FHIT: variants seen among roughly 807,000 people sequenced by gnomAD.
FHIT encodes the protein bis(5'-adenosyl)-triphosphatase.
Under a neutral mutation model 17.9 loss-of-function variants are expected in FHIT, and 19 were observed. The observed-to-expected ratio is 1.06, with a 90% CI of 0.74 to 1.56. The LOEUF (loss-of-function observed/expected upper bound fraction) is 1.56, where lower values mean the gene tolerates loss of function less well. FHIT is among the 40% of genes most tolerant of loss of function. FHIT has a pLI of 0.00. For synonymous variants in FHIT, 81 were observed against 69.7 expected, an observed-to-expected ratio of 1.16 and a Z score of -0.81; for missense variants, 248 against 189.2, an observed-to-expected ratio of 1.31 and a Z score of -1.82.
At chr3:61,231,984 G>C (rs2040115113) in intron 1 of FHIT, among the ~76,000 whole-genome samples, 1 of 152,128 alleles carries the variant, frequency 6.6e-6, no homozygotes, top group Non-Finnish European at 1.5e-5. Context: ...CTTAAAGGTA[G>C]GCTCTGCCCT....
intron 5 of FHIT, among the ~76,000 whole-genome samples, chr3:60,328,508 G>C (rs759560519): frequency 3.3e-5 from 5 of 152,124 alleles, no homozygotes; most frequent in Non-Finnish European, 5.9e-5. Context: ...GATCTTGTGA[G>C]ACTTACTAAC....
chr3:61,038,802 C>A lies in FHIT; in HGVS notation c.-111+3245G>T, dbSNP rs189213072. On this transcript the variant is annotated intron_variant, in intron 3 of 9. Transcript: ENST00000492590. ...ATGATTATTGAATCTAGGTATACAA[C>A]CTGCTTGATAATTTGCAGGACCCAG... Among the ~76,000 whole-genome samples the A allele has an allele frequency of 7.1e-3, 1,074 of 152,208 alleles. 9 individuals are homozygous for A. The highest frequency in any genetic ancestry group is 0.038 in the South Asian group (184 of 4,822).
At chr3:60,464,942 C>T (rs1165773218) in intron 5 of FHIT, among the ~76,000 whole-genome samples, 1 of 152,122 alleles carries the variant, frequency 6.6e-6, no homozygotes, top group Non-Finnish European at 1.5e-5. Flanking sequence ...AACTGTCCTC[C>T]ACAGTGGTTG....
intron 8 of FHIT, among the ~76,000 whole-genome samples, chr3:59,756,843 C>A (rs889479416): frequency 2.0e-5 from 3 of 152,150 alleles, no homozygotes; most frequent in African/African-American, 7.2e-5. Flanking sequence ...AATCAACCTG[C>A]ACTATTTTAA....
At position 60,138,361 on chromosome 3, in the gene FHIT, TAAC is replaced by T. The variant is rs1699902191; in HGVS notation, c.104-124212_104-124210del. ...AGAAATGATGGGCTAGGAATCCAGG[TAAC>T]AACAACAACAAAAGTAAATACACAT... On this transcript the variant is annotated intron_variant, in intron 5 of 9. Transcript: ENST00000492590. Among the ~76,000 whole-genome samples, 4 of 152,264 alleles carry T rather than the reference TAAC, an allele frequency of 2.6e-5. No homozygotes were observed. The South Asian group carries it at 6.2e-4, about 24-fold the overall frequency.
intron 8 of FHIT, among the ~76,000 whole-genome samples, chr3:59,875,944 A>G (rs1268750702): frequency 7.6e-6 from 1 of 131,786 alleles, no homozygotes; most frequent in African/African-American, 3.0e-5. Flanking sequence ...TTGATAAAAA[A>G]AGAAAAAAAA....
chr3:60,313,671 G>T (rs959469942), intron 5 of FHIT, among the ~76,000 whole-genome samples: 5 of 152,068 alleles, frequency 3.3e-5, no homozygotes, highest in African/African-American at 1.2e-4. Flanking sequence ...TGAAAATATG[G>T]TGATATGAAA....
intron 8 of FHIT, among the ~76,000 whole-genome samples, chr3:59,862,145 T>C (rs1702434496): frequency 6.6e-6 from 1 of 151,378 alleles, no homozygotes; most frequent in African/African-American, 2.4e-5. Flanking sequence ...GAAAAAGAGG[T>C]TTAATGGACT....
At chr3:60,202,314 A>C (rs1236099012) in intron 5 of FHIT, among the ~76,000 whole-genome samples, 3 of 152,224 alleles carry the variant, frequency 2.0e-5, no homozygotes, top group Non-Finnish European at 1.5e-5. Context: ...GGATGCTATT[A>C]ACATGGAAGT....
intron 5 of FHIT, among the ~76,000 whole-genome samples, chr3:60,384,358 G>T (rs1270786795): frequency 2.0e-5 from 3 of 151,836 alleles, no homozygotes; most frequent in Non-Finnish European, 2.9e-5. Flanking sequence ...TCACAACAGA[G>T]ATGATGATAT....
chr3:60,381,914 T>C (rs1317269353), intron 5 of FHIT, among the ~76,000 whole-genome samples: 1 of 152,190 alleles, frequency 6.6e-6, no homozygotes, highest in East Asian at 1.9e-4. Context: ...AAAGGCCTAG[T>C]GCTGTGCTGT....
chr3:60,035,757 A>G (rs1391908873), intron 5 of FHIT, among the ~76,000 whole-genome samples: 1 of 152,172 alleles, frequency 6.6e-6, no homozygotes, highest in Admixed American at 6.5e-5. Flanking sequence ...CAGCACTTCA[A>G]GGTTCCAACC....
intron 5 of FHIT, among the ~76,000 whole-genome samples, chr3:60,278,650 T>A (rs1576411360): frequency 6.6e-6 from 1 of 151,904 alleles, no homozygotes; most frequent in African/African-American, 2.4e-5. Context: ...CAGAAGCATC[T>A]GGAACTTAAA....
rs533905573 is a variant in FHIT, at chr3:59,921,270, T to G, written c.348+1076A>C. Among the ~76,000 whole-genome samples, 8 of 152,320 alleles carry G rather than the reference T, an allele frequency of 5.3e-5. No individual in the cohort carries two copies. The South Asian group carries it at 6.2e-4, about 12-fold the overall frequency. On this transcript the variant is annotated intron_variant, in intron 8 of 9. Coordinates refer to ENST00000492590, the MANE Select transcript of FHIT (RefSeq NM_002012.4). Reference sequence around the variant, plus strand: ...TCAGGGTTTGAGTTGCTGTTTTAATTTCATCACTGCAAAGAAGCCCTATAG... The same window carrying G: ...TCAGGGTTTGAGTTGCTGTTTTAATGTCATCACTGCAAAGAAGCCCTATAG...
chr3:60,009,230 T>A (rs185738138), intron 7 of FHIT, among the ~76,000 whole-genome samples: 1 of 132,318 alleles, frequency 7.6e-6, no homozygotes. Context: ...TGTGTGTGTG[T>A]ATGGTGGTTT....
At chr3:60,782,803 A>C (rs1700437918) in intron 4 of FHIT, among the ~76,000 whole-genome samples, 1 of 152,136 alleles carries the variant, frequency 6.6e-6, no homozygotes, top group Non-Finnish European at 1.5e-5. Context: ...TCTGCTTCCA[A>C]GACAGTACAT....
rs142730511 is a variant in FHIT, at chr3:60,242,616, T to TCTTCA, written c.104-228469_104-228465dup. Among the ~76,000 whole-genome samples the TCTTCA allele has an allele frequency of 6.1e-3, 932 of 152,102 alleles. 6 individuals are homozygous for TCTTCA. The highest frequency in any genetic ancestry group is 0.021 in the African/African-American group (852 of 41,522). On this transcript the variant is annotated intron_variant, in intron 5 of 9. Coordinates refer to ENST00000492590, the MANE Select transcript of FHIT (RefSeq NM_002012.4). ...TGACTGCTTAGATAACTCCAATACC[T>TCTTCA]CTTCACCTCTTCCCATCAGTAACTA...
chr3:59,793,052 C>T lies in FHIT; in HGVS notation c.349-40731G>A, dbSNP rs145046641. Among the ~76,000 whole-genome samples, 4 of 152,154 alleles carry T rather than the reference C, an allele frequency of 2.6e-5. No homozygotes were observed. The East Asian group carries it at 7.7e-4, about 29-fold the overall frequency. On this transcript the variant is annotated intron_variant, in intron 8 of 9. Transcript: ENST00000492590. ...TCTGGGAGGTCAGGGAGTGTATCTG[C>T]CCAGATCATCATTTTCTTTACCTTG... is the stretch of plus-strand genomic sequence containing the variant.
At chr3:60,725,169 A>G (rs782670743) in intron 4 of FHIT, among the ~76,000 whole-genome samples, 3 of 152,206 alleles carry the variant, frequency 2.0e-5, no homozygotes, top group South Asian at 4.2e-4. Flanking sequence ...AATTCTTTTT[A>G]TATTCATATT....
Sources: gnomAD v4.1 joint callset for allele counts (sites outside exome capture counted in the v4.1 genomes callset) on GRCh38, gnomAD v4.1.1 for gene constraint, MANE v1.5 for transcripts, NCBI Gene and HGNC (gene_info 2026-07-23, HGNC 2026-07-21) for gene names.